The following KCNIP1 variants were observed in gnomAD, a reference collection of about 807,000 sequenced individuals.
KCNIP1 encodes the protein potassium voltage-gated channel interacting protein 1.
Under a neutral mutation model 33.0 loss-of-function variants are expected in KCNIP1, and 18 were observed. The observed-to-expected ratio is 0.55, with a 90% CI of 0.38 to 0.81. The LOEUF is 0.81. Ranked by LOEUF, KCNIP1 falls within the 30% of genes least tolerant of loss-of-function variation. The probability of loss-of-function intolerance (pLI) is 0.00; values close to 1 mark genes in which losing one functional copy is unlikely to be tolerated. For missense variants in KCNIP1, 238 were observed against 271.6 expected, an observed-to-expected ratio of 0.88 and a Z score of 0.87; for synonymous variants, 93 against 98.3, an observed-to-expected ratio of 0.95 and a Z score of 0.32.
upstream of KCNIP1, chr5:170,503,940 CACCGTGCAG>C: frequency 1.8e-6 from 1 of 562,968 alleles, no homozygotes; most frequent in Non-Finnish European, 2.3e-6. Flanking sequence ...CCCCCGCCCC[CACCGTGCAG>C]CCCTCGCCCC....
At position 170,676,272 on chromosome 5, in the gene KCNIP1, A is replaced by G. The variant is rs182231061; in HGVS notation, c.62-42486A>G. Among the ~76,000 whole-genome samples, 4 of 152,210 alleles carry G rather than the reference A, an allele frequency of 2.6e-5. No individual in the cohort carries two copies. In the East Asian group the frequency reaches 7.7e-4, roughly 29 times the overall value. On this transcript the variant is annotated intron_variant, in intron 1 of 7. Coordinates refer to ENST00000328939, the MANE Select transcript of KCNIP1 (RefSeq NM_014592.4). The stretch of plus-strand genomic sequence containing the variant: ...AGGGAGATATCATTATTATTGTGCA[A>G]TTGTTATCATTATATAACTAATTTA...
chr5:170,629,571 C>G, intron 1 of KCNIP1, among the ~76,000 whole-genome samples: 1 of 152,196 alleles, frequency 6.6e-6, no homozygotes, highest in Non-Finnish European at 1.5e-5. Flanking sequence ...TGTCCTTTCT[C>G]CAGGTGCTCA....
chr5:170,370,226 G>T (rs761474920), intron 1 of KCNIP1, among the ~76,000 whole-genome samples: 26 of 152,118 alleles, frequency 1.7e-4, no homozygotes, highest in African/African-American at 6.3e-4. Context: ...CTGAATTATC[G>T]GTTGAAGGAG....
chr5:170,501,383 AAGGGAACACC>A (rs1477549206), upstream of KCNIP1, among the ~76,000 whole-genome samples: 2 of 152,190 alleles, frequency 1.3e-5, no homozygotes, highest in African/African-American at 4.8e-5. Context: ...CTGAGCCACA[AAGGGAACACC>A]AGGGGTCAGG....
chr5:170,361,820 G>C (rs1041317650), intron 1 of KCNIP1, among the ~76,000 whole-genome samples: 55 of 152,134 alleles, frequency 3.6e-4, no homozygotes, highest in African/African-American at 1.2e-3. Context: ...CCCCATTCAA[G>C]AGGCTCCGCC....
chr5:170,661,105 T>C (rs1322166532), intron 1 of KCNIP1, among the ~76,000 whole-genome samples: 1 of 152,142 alleles, frequency 6.6e-6, no homozygotes, highest in Non-Finnish European at 1.5e-5. Context: ...TGGGACCTGA[T>C]ATGTTTGATC....
At chr5:170,466,580 C>A (rs1265833663) in intron 1 of KCNIP1, among the ~76,000 whole-genome samples, 4 of 152,134 alleles carry the variant, frequency 2.6e-5, no homozygotes, top group Admixed American at 6.5e-5. Context: ...TAACAAAGTA[C>A]CATAGCCTGA....
chr5:170,584,917 C>A (rs1757932542), intron 1 of KCNIP1, among the ~76,000 whole-genome samples: 1 of 152,150 alleles, frequency 6.6e-6, no homozygotes, highest in East Asian at 1.9e-4. Flanking sequence ...CTGGTGGCTT[C>A]ATGACAGTCA....
At chr5:170,554,522 G>A (rs778411861) in intron 1 of KCNIP1, among the ~76,000 whole-genome samples, 2 of 152,188 alleles carry the variant, frequency 1.3e-5, no homozygotes, top group Non-Finnish European at 2.9e-5. Flanking sequence ...CCAGAAGAGT[G>A]GGGGAAGATG....
At chr5:170,438,337 G>A (rs1264172500) in intron 1 of KCNIP1, among the ~76,000 whole-genome samples, 1 of 152,140 alleles carries the variant, frequency 6.6e-6, no homozygotes, top group Non-Finnish European at 1.5e-5. Context: ...GCCCACTCTG[G>A]GCTTGAAAAT....
At chr5:170,585,751 C>T (rs925305606) in intron 1 of KCNIP1, among the ~76,000 whole-genome samples, 5 of 152,330 alleles carry the variant, frequency 3.3e-5, no homozygotes, top group South Asian at 4.1e-4. Context: ...CCAGGGCAGA[C>T]GGGGCCATTC....
chr5:170,373,584 A>C (rs1177972863), intron 1 of KCNIP1, among the ~76,000 whole-genome samples: 1 of 152,274 alleles, frequency 6.6e-6, no homozygotes, highest in Non-Finnish European at 1.5e-5. Context: ...AGTTGCTAAC[A>C]AAAATAACAT....
intron 1 of KCNIP1, among the ~76,000 whole-genome samples, chr5:170,537,371 T>G (rs1427184724): frequency 6.6e-6 from 1 of 152,216 alleles, no homozygotes; most frequent in Non-Finnish European, 1.5e-5. Flanking sequence ...GGAGCAACAG[T>G]TAAGGGCATG....
At chr5:170,362,588 AG>A (rs1763543355) in intron 1 of KCNIP1, among the ~76,000 whole-genome samples, 1 of 152,148 alleles carries the variant, frequency 6.6e-6, no homozygotes, top group South Asian at 2.1e-4. Context: ...GACTACAGGG[AG>A]GGGAGAAAAA....
At chr5:170,677,339 G>T (rs1762180592) in intron 1 of KCNIP1, among the ~76,000 whole-genome samples, 1 of 152,136 alleles carries the variant, frequency 6.6e-6, no homozygotes, top group African/African-American at 2.4e-5. Context: ...GGACCTCTGT[G>T]CCACACTCCC....
chr5:170,696,686 C>A (rs1762906752), intron 1 of KCNIP1, among the ~76,000 whole-genome samples: 1 of 152,142 alleles, frequency 6.6e-6, no homozygotes, highest in Non-Finnish European at 1.5e-5. Context: ...CTTCAGGCAT[C>A]TGACATGCAA....
At chr5:170,558,005 G>T (rs2113444994) in intron 1 of KCNIP1, among the ~76,000 whole-genome samples, 2 of 152,296 alleles carry the variant, frequency 1.3e-5, no homozygotes, top group Middle Eastern at 6.8e-3. Flanking sequence ...GCTGGCTGTG[G>T]TCTACTAGGA....
intron 6 of KCNIP1, 37 bp from the exon 7 acceptor site, chr5:170,733,799 C>T: frequency 6.4e-7 from 1 of 1,551,992 alleles, no homozygotes; most frequent in Non-Finnish European, 8.9e-7. Context: ...ATGGAGATCA[C>T]CAGATTCTGT....
At chr5:170,623,223 T>C (rs1257340769) in intron 1 of KCNIP1, among the ~76,000 whole-genome samples, 1 of 148,328 alleles carries the variant, frequency 6.7e-6, no homozygotes, top group Admixed American at 6.7e-5. Context: ...TTTTTTTTTC[T>C]TTTTTTTGAG....
Sources: gnomAD v4.1 joint callset for allele counts (sites outside exome capture counted in the v4.1 genomes callset) on GRCh38, gnomAD v4.1.1 for gene constraint, MANE v1.5 for transcripts, NCBI Gene and HGNC (gene_info 2026-07-23, HGNC 2026-07-21) for gene names.